The following ZRANB3 variants were observed in gnomAD, a reference collection of about 807,000 sequenced individuals.
ZRANB3 encodes the protein zinc finger RANBP2-type containing 3.
Under a neutral mutation model 133.8 loss-of-function variants are expected in ZRANB3, and 125 were observed. That is an observed-to-expected ratio of 0.93 (90% CI 0.81 to 1.08). ZRANB3 has a LOEUF of 1.08. ZRANB3 is among the 50% of genes least tolerant of loss of function. The pLI, the probability that ZRANB3 is intolerant of heterozygous loss-of-function variation, is 0.00. For missense variants in ZRANB3, 1,229 were observed against 1,275.5 expected, an observed-to-expected ratio of 0.96 and a Z score of 0.56; for synonymous variants, 387 against 432.7, an observed-to-expected ratio of 0.89 and a Z score of 1.31.
intron 2 of ZRANB3, among the ~76,000 whole-genome samples, chr2:135,483,946 T>G (rs994180737): frequency 6.6e-6 from 1 of 152,204 alleles, no homozygotes; most frequent in South Asian, 2.1e-4. Flanking sequence ...TAATCCTGAG[T>G]TCTAGTTTGA....
At chr2:135,242,796 A>C (rs933638246) in intron 12 of ZRANB3, among the ~76,000 whole-genome samples, 2 of 151,672 alleles carry the variant, frequency 1.3e-5, no homozygotes, top group African/African-American at 4.8e-5. Flanking sequence ...TTCCTTATTT[A>C]ATTATTAATT....
rs376882424 is a variant in ZRANB3 at position 135,504,451 on chromosome 2, A to C, written c.39T>G (p.Pro13=). The change falls in exon 2 of 21, where the codon CCT becomes CCG. Residue 13 remains proline, a synonymous_variant. Transcript: ENST00000264159. ...RVHNIKKSLT[P]HISCVTNESD... ...ATTCATTTGTCACACAAGAAATGTG[A>C]GGTGTAAGAGACTTTTTTATGTTAT... The C allele has an allele frequency of 6.2e-7, 1 of 1,613,320 alleles. No homozygotes were observed. Among genetic ancestry groups the C allele is most frequent in the African/African-American group, 1.3e-5 (1 of 74,902 alleles).
chr2:135,243,136 C>G (rs1695620876), intron 12 of ZRANB3, among the ~76,000 whole-genome samples: 1 of 152,324 alleles, frequency 6.6e-6, no homozygotes, highest in South Asian at 2.1e-4. Flanking sequence ...TTTATGATCT[C>G]CTTCAGTCTC....
At chr2:135,398,226 C>T (rs1020019327) in intron 2 of ZRANB3, among the ~76,000 whole-genome samples, 26 of 151,788 alleles carry the variant, frequency 1.7e-4, no homozygotes, top group South Asian at 6.2e-4. Context: ...CCACCACACC[C>T]GGCTAATTGT....
intron 2 of ZRANB3, among the ~76,000 whole-genome samples, chr2:135,483,726 C>T (rs1209003212): frequency 2.0e-5 from 3 of 152,134 alleles, no homozygotes; most frequent in African/African-American, 7.2e-5. Flanking sequence ...TTGGATCTTT[C>T]CCGCTTTCTC....
At chr2:135,267,425 C>A (rs1191655654) in intron 11 of ZRANB3, among the ~76,000 whole-genome samples, 1 of 152,054 alleles carries the variant, frequency 6.6e-6, no homozygotes, top group African/African-American at 2.4e-5. Flanking sequence ...TTCATAAGGG[C>A]AGAACCCTCA....
At chr2:135,511,429 T>C in intron 1 of ZRANB3, 1 of 818,058 alleles carries the variant, frequency 1.2e-6, no homozygotes, top group Non-Finnish European at 2.2e-6. Flanking sequence ...TCACAGAAAG[T>C]TCCAGAATCA....
chr2:135,446,251 C>T (rs905966521), intron 2 of ZRANB3, among the ~76,000 whole-genome samples: 34 of 151,258 alleles, frequency 2.2e-4, no homozygotes, highest in Admixed American at 2.2e-3. Flanking sequence ...AATCAACAGA[C>T]GGATAGTTCA....
At chr2:135,259,226 G>A (rs1679820997) in intron 12 of ZRANB3, among the ~76,000 whole-genome samples, 1 of 151,826 alleles carries the variant, frequency 6.6e-6, no homozygotes, top group Non-Finnish European at 1.5e-5. Flanking sequence ...ACAAGGTCTA[G>A]CCATGTTGCC....
chr2:135,268,952 C>G lies in ZRANB3; in HGVS notation c.1386+10G>C, dbSNP rs372599763. 2 of 1,593,350 alleles carry G rather than the reference C, an allele frequency of 1.3e-6. No individual in the cohort carries two copies. The highest frequency in any genetic ancestry group is 2.3e-5 in the East Asian group (1 of 44,436). ...GTAAGCTGCTAACTTGATTTAAATT[C>G]AAGCTTTACCTTGCGATTCAACATT... On this transcript the variant is annotated intron_variant, in intron 11 of 20. Coordinates refer to ENST00000264159, the MANE Select transcript of ZRANB3 (RefSeq NM_032143.4).
chr2:135,477,511 T>C (rs566709412), intron 2 of ZRANB3, among the ~76,000 whole-genome samples: 7 of 152,302 alleles, frequency 4.6e-5, no homozygotes, highest in East Asian at 1.9e-4. Flanking sequence ...CACTGGGCTA[T>C]ACTTGTTCTC....
chr2:135,284,815 C>T (rs2104785975), intron 8 of ZRANB3, among the ~76,000 whole-genome samples: 1 of 151,488 alleles, frequency 6.6e-6, no homozygotes, highest in South Asian at 2.1e-4. Flanking sequence ...CCTTTTGTAA[C>T]AAGAGAGGTT....
chr2:135,477,073 C>T (rs1014583319), intron 2 of ZRANB3, among the ~76,000 whole-genome samples: 4 of 152,056 alleles, frequency 2.6e-5, no homozygotes, highest in Non-Finnish European at 4.4e-5. Flanking sequence ...ATCATATTTG[C>T]TTATACATCA....
chr2:135,530,094 G>A (rs891095969), intron 1 of ZRANB3, among the ~76,000 whole-genome samples: 5 of 151,410 alleles, frequency 3.3e-5, no homozygotes, highest in African/African-American at 1.2e-4. Context: ...GGGCTGAGTG[G>A]CGCGCGCCTG....
chr2:135,413,128 C>T (rs184513742), intron 2 of ZRANB3, among the ~76,000 whole-genome samples: 2 of 152,262 alleles, frequency 1.3e-5, no homozygotes, highest in East Asian at 3.9e-4. Flanking sequence ...AAGCTTTTCT[C>T]CTCTTTCTTC....
intron 12 of ZRANB3, among the ~76,000 whole-genome samples, chr2:135,239,579 C>T (rs1160073855): frequency 6.6e-6 from 1 of 152,142 alleles, no homozygotes; most frequent in Non-Finnish European, 1.5e-5. Flanking sequence ...TATACGTTCT[C>T]AAATACTACA....
chr2:135,379,203 C>T (rs1686575016), intron 3 of ZRANB3, among the ~76,000 whole-genome samples: 1 of 151,972 alleles, frequency 6.6e-6, no homozygotes, highest in African/African-American at 2.4e-5. Flanking sequence ...TTTAAAAGAG[C>T]ACATTCAAAA....
At chr2:135,415,488 C>T (rs1287664830) in intron 2 of ZRANB3, among the ~76,000 whole-genome samples, 3 of 152,052 alleles carry the variant, frequency 2.0e-5, no homozygotes, top group Admixed American at 2.0e-4. Flanking sequence ...CAAAAAGAGT[C>T]CAGGACCAGA....
chr2:135,256,091 T>G (rs1333380017), intron 12 of ZRANB3, among the ~76,000 whole-genome samples: 1 of 151,888 alleles, frequency 6.6e-6, no homozygotes, highest in African/African-American at 2.4e-5. Flanking sequence ...ATTTTTGTAT[T>G]TTTTATAAAA....
Sources: gnomAD v4.1 joint callset for allele counts (sites outside exome capture counted in the v4.1 genomes callset) on GRCh38, gnomAD v4.1.1 for gene constraint, MANE v1.5 for transcripts, NCBI Gene and HGNC (gene_info 2026-07-23, HGNC 2026-07-21) for gene names.